CLMN: variants seen among roughly 807,000 people sequenced by gnomAD.
The protein encoded by CLMN is calmin (calponin-like, transmembrane).
In CLMN, 57 loss-of-function variants were observed where a neutral mutation model predicts 92.7. That is an observed-to-expected ratio of 0.61 (90% CI 0.50 to 0.77). The LOEUF is 0.77. Among genes scored for constraint, CLMN ranks in the 30% least tolerant of loss-of-function variants. CLMN has a pLI of 0.00. For synonymous variants in CLMN, 466 were observed against 470.6 expected (o/e 0.99, Z 0.13); for missense variants, 1,158 against 1,237.5 (o/e 0.94, Z 0.96).
intron 1 of CLMN, among the ~76,000 whole-genome samples, chr14:95,235,417 G>C (rs1332463087): frequency 1.3e-5 from 2 of 152,126 alleles, no homozygotes; most frequent in Non-Finnish European, 2.9e-5. Context: ...TCTTTGGGTG[G>C]GGTAGAGAAT....
At chr14:95,316,131 T>TACGG (rs1901759423) in intron 1 of CLMN, among the ~76,000 whole-genome samples, 1 of 152,168 alleles carries the variant, frequency 6.6e-6, no homozygotes, top group South Asian at 2.1e-4. Context: ...CCCAGCCAGG[T>TACGG]ACGGAACTAA....
At chr14:95,263,425 G>A (rs1422608200) in intron 1 of CLMN, among the ~76,000 whole-genome samples, 2 of 152,258 alleles carry the variant, frequency 1.3e-5, no homozygotes, top group African/African-American at 4.8e-5. Context: ...TCTGGGTGGG[G>A]ACACAGCCAA....
In CLMN at chr14:95,281,000, C is replaced by T. The variant is rs574080379; in HGVS notation, c.82+38711G>A. Among the ~76,000 whole-genome samples the T allele has an allele frequency of 7.2e-4, 109 of 152,260 alleles. 2 individuals are homozygous for T. The South Asian group carries it at 0.019, about 26-fold the overall frequency. On this transcript the variant is annotated intron_variant, in intron 1 of 12. Transcript: ENST00000298912. ...TTAAAAGGTCGTTTATAATCAGCTA[C>T]GGAACTCTGACAAGCACTTTTAAAT...
intron 1 of CLMN, among the ~76,000 whole-genome samples, chr14:95,287,873 G>A (rs79432990): frequency 0.048 from 7,319 of 152,118 alleles, 202 homozygotes; most frequent in Middle Eastern, 0.082. Context: ...TTCCCTCCCT[G>A]TGCTCTCAAC....
intron 7 of CLMN, 74 bp from the exon 8 acceptor site, chr14:95,209,551 T>G (rs1392830795): frequency 3.0e-5 from 34 of 1,146,678 alleles, no homozygotes; most frequent in Non-Finnish European, 4.4e-5. Flanking sequence ...GGATGCCTGA[T>G]GGTGAAGAAT....
chr14:95,315,374 G>A (rs1011024590), intron 1 of CLMN, among the ~76,000 whole-genome samples: 6 of 152,206 alleles, frequency 3.9e-5, no homozygotes, highest in African/African-American at 1.2e-4. Context: ...TTAGCTCATG[G>A]GTTGGGAAGC....
intron 1 of CLMN, among the ~76,000 whole-genome samples, chr14:95,254,994 A>T (rs1898938126): frequency 6.6e-6 from 1 of 152,184 alleles, no homozygotes; most frequent in Admixed American, 6.5e-5. Context: ...ATCTTTAAAG[A>T]GGTGATTAAG....
intron 1 of CLMN, among the ~76,000 whole-genome samples, chr14:95,276,777 G>A (rs932908680): frequency 6.6e-6 from 1 of 152,194 alleles, no homozygotes; most frequent in Non-Finnish European, 1.5e-5. Context: ...AGCCTTGCCA[G>A]GTGGATACTG....
chr14:95,295,876 G>C (rs573335511), intron 1 of CLMN, among the ~76,000 whole-genome samples: 1 of 152,348 alleles, frequency 6.6e-6, no homozygotes, highest in East Asian at 1.9e-4. Flanking sequence ...TCTCCTCAGA[G>C]AGGCTCCCCC....
intron 1 of CLMN, among the ~76,000 whole-genome samples, chr14:95,250,102 G>A (rs1898724790): frequency 1.3e-5 from 2 of 152,344 alleles, no homozygotes; most frequent in East Asian, 3.9e-4. Context: ...GAATGACTGA[G>A]CAGTGAACAG....
Position 95,210,645 on chromosome 14 carries a change from T to TA in CLMN, c.802+40dup, listed in dbSNP as rs372749093. ...CATGGGACAGCAAGTGGTACATTTG[T>TA]AAAAAAAAATTATTAGAAAGAAAGA... On this transcript the variant is annotated intron_variant, in intron 7 of 12. Transcript: ENST00000298912. The TA allele has an allele frequency of 3.3e-3, 5,221 of 1,570,152 alleles. 121 individuals are homozygous for TA. The African/African-American group carries it at 0.06, about 18-fold the overall frequency.
At chr14:95,233,584 C>G (rs1897958626) in intron 1 of CLMN, among the ~76,000 whole-genome samples, 1 of 152,198 alleles carries the variant, frequency 6.6e-6, no homozygotes, top group Non-Finnish European at 1.5e-5. Context: ...AATCTGCACT[C>G]CAAGAATTCA....
intron 1 of CLMN, among the ~76,000 whole-genome samples, chr14:95,231,488 G>T (rs779141403): frequency 6.6e-6 from 1 of 152,098 alleles, no homozygotes; most frequent in Non-Finnish European, 1.5e-5. Flanking sequence ...GTGAGCCACC[G>T]CGCCCAGCCG....
chr14:95,218,315 G>A (rs78685527), intron 4 of CLMN, among the ~76,000 whole-genome samples: 1,615 of 152,310 alleles, frequency 0.011, 13 homozygotes, highest in Non-Finnish European at 0.016. Context: ...AGATGAGGAA[G>A]TTCAGGCTCA....
At position 95,210,735 on chromosome 14, in the gene CLMN, G is replaced by A. The variant is rs1897173666; in HGVS notation, c.753C>T (p.Phe251=). The change falls in exon 7 of 13, where the codon TTC becomes TTT. Residue 251 remains phenylalanine (F), a synonymous_variant. Coordinates refer to ENST00000298912, the MANE Select transcript of CLMN (RefSeq NM_024734.4). ...TGTGCAGGGCATCCTGTGCGATGCT[G>A]AAAGCCTTCTCTAGATTTTCTCGTG... is the stretch of plus-strand genomic sequence containing the variant. ...NSTRENLEKA[F]SIAQDALHIP... 5.6e-6 allele frequency: 9 copies of A among 1,610,448 alleles called. No homozygotes were observed. Among genetic ancestry groups the A allele is most frequent in the Admixed American group, 1.7e-5 (1 of 59,454 alleles).
At chr14:95,318,661 T>C (rs563261078) in intron 1 of CLMN, among the ~76,000 whole-genome samples, 3 of 152,142 alleles carry the variant, frequency 2.0e-5, no homozygotes, top group Admixed American at 2.0e-4. Flanking sequence ...TCCTAGCCAC[T>C]CCTAACCTTG....
chr14:95,277,915 C>T (rs1010227577), intron 1 of CLMN, among the ~76,000 whole-genome samples: 2 of 152,260 alleles, frequency 1.3e-5, no homozygotes, highest in Non-Finnish European at 2.9e-5. Context: ...GCGTGAGCCA[C>T]TGTGCCAGGC....
At chr14:95,278,618 G>GA (rs1485004452) in intron 1 of CLMN, among the ~76,000 whole-genome samples, 1 of 152,114 alleles carries the variant, frequency 6.6e-6, no homozygotes, top group Non-Finnish European at 1.5e-5. Flanking sequence ...TGTGTTACCT[G>GA]ACCTTTTTTA....
intron 1 of CLMN, among the ~76,000 whole-genome samples, chr14:95,281,807 T>C (rs1228338111): frequency 6.6e-6 from 1 of 152,226 alleles, no homozygotes; most frequent in Non-Finnish European, 1.5e-5. Context: ...CTCAACGTTT[T>C]CTTAAACACT....
Sources: gnomAD v4.1 joint callset for allele counts (sites outside exome capture counted in the v4.1 genomes callset) on GRCh38, gnomAD v4.1.1 for gene constraint, MANE v1.5 for transcripts, NCBI Gene and HGNC (gene_info 2026-07-23, HGNC 2026-07-21) for gene names.